ARL10: variants seen among roughly 807,000 people sequenced by gnomAD.
The protein encoded by ARL10 is ADP-ribosylation factor-like protein 10.
In ARL10, 23 loss-of-function variants were observed where a neutral mutation model predicts 26.1. The ratio of observed to expected loss-of-function variants is 0.88; its 90% CI spans 0.63 to 1.25. The LOEUF is 1.25. ARL10 is among the 50% of genes most tolerant of loss of function. The pLI is 0.00. For missense variants in ARL10, 300 were observed against 323.6 expected (o/e 0.93, Z 0.56); for synonymous variants, 138 against 149.1 (o/e 0.93, Z 0.54).
At chr5:176,408,722 T>G in the ARL10 span, among the ~76,000 whole-genome samples, 1 of 152,346 alleles carries the variant, frequency 6.6e-6, no homozygotes, top group East Asian at 1.9e-4. Context: ...GGTCTTACTA[T>G]GTTGCCCAGT....
intron 1 of ARL10, chr5:176,401,666 G>A (rs545290121): frequency 5.3e-5 from 24 of 451,262 alleles, no homozygotes; most frequent in African/African-American, 8.0e-5. Flanking sequence ...TCCTGCAATC[G>A]TCACTCACTC....
the ARL10 span, among the ~76,000 whole-genome samples, chr5:176,412,002 C>T: frequency 1.3e-5 from 2 of 151,890 alleles, no homozygotes; most frequent in Non-Finnish European, 2.9e-5. Context: ...CGGTGAAACC[C>T]CGTCTCTACT....
rs544901415 is a variant in ARL10 at position 176,368,611 on chromosome 5, G to A, written c.386-196G>A. On this transcript the variant is annotated intron_variant, in intron 2 of 3. Transcript: ENST00000310389. The surrounding 1 kb of genome is among the most constrained non-coding windows in gnomAD (Gnocchi z 4.1). The stretch of plus-strand genomic sequence containing the variant: ...CAGTCTGAGTAGCTGCGGAAACTGC[G>A]GTCTTTTCCTTGCCCCCGGCTGGTG... 3.9e-5 allele frequency among the ~76,000 whole-genome samples: 6 copies of A among 151,968 alleles called. No homozygotes were observed. In the South Asian group the frequency reaches 6.2e-4, roughly 16 times the overall value.
rs768781273 is a variant in ARL10 at position 176,371,972 on chromosome 5, T to A, written c.*77T>A. ...TGCTGCTTCATTGCCAGACTGGGCC[T>A]GGGGCAAGAGCCACATGGCAGCATT... On this transcript the variant is annotated 3_prime_UTR_variant, in exon 4 of 4. Coordinates refer to ENST00000310389, the MANE Select transcript of ARL10 (RefSeq NM_173664.6). 1.5e-4 allele frequency: 233 copies of A among 1,536,906 alleles called. No homozygotes were observed. Among genetic ancestry groups the A allele is most frequent in the Non-Finnish European group, 1.8e-4 (210 of 1,140,532 alleles).
chr5:176,397,674 T>C (rs745531281), intron 1 of ARL10: 1 of 1,613,728 alleles, frequency 6.2e-7, no homozygotes, highest in East Asian at 2.2e-5. Context: ...AGGTCCTTCT[T>C]GGCCTTCTCC....
chr5:176,385,333 G>A (rs2113582274), downstream of ARL10: 1 of 1,533,708 alleles, frequency 6.5e-7, no homozygotes. Context: ...CAGGTCTGGA[G>A]TGATGAGAGA....
In ARL10 at chr5:176,373,065, G is replaced by T. The variant is rs1768594273; in HGVS notation, c.*1170G>T. 1 of 398,466 alleles carries T rather than the reference G, an allele frequency of 2.5e-6. No homozygotes were observed. Among genetic ancestry groups the T allele is most frequent in the Non-Finnish European group, 4.4e-6 (1 of 226,064 alleles). The allele number at this position is 398,466 out of a possible 1,614,324, so 24.7% of individuals were successfully genotyped here. A position where few individuals can be genotyped will look rare whatever the true frequency, so the allele number is the denominator to read the frequency against. Reference sequence around the variant, plus strand: ...CACCACTTGGCCCAGGATGTTGAAAGGGTGCAAATTCCTTCTGGGTAGATA... The same window carrying T: ...CACCACTTGGCCCAGGATGTTGAAATGGTGCAAATTCCTTCTGGGTAGATA... On this transcript the variant is annotated 3_prime_UTR_variant, in exon 4 of 4. Coordinates refer to ENST00000310389, the MANE Select transcript of ARL10 (RefSeq NM_173664.6).
intron 1 of ARL10, among the ~76,000 whole-genome samples, chr5:176,399,004 G>A (rs988884425): frequency 1.3e-5 from 2 of 151,924 alleles, no homozygotes; most frequent in South Asian, 2.1e-4. Flanking sequence ...CACGACACCC[G>A]GCTAATTTTT....
downstream of ARL10, among the ~76,000 whole-genome samples, chr5:176,390,516 G>A (rs1211254526): frequency 6.6e-6 from 1 of 152,174 alleles, no homozygotes; most frequent in East Asian, 1.9e-4. Flanking sequence ...TGCAACCTCC[G>A]CCTCCCGGGC....
downstream of ARL10, among the ~76,000 whole-genome samples, chr5:176,391,585 C>T (rs1195797101): frequency 6.6e-6 from 1 of 152,166 alleles, no homozygotes; most frequent in Non-Finnish European, 1.5e-5. Context: ...GCACTCCAGC[C>T]TCAGTGATAA....
downstream of ARL10, chr5:176,389,068 G>T (rs979827253): frequency 2.2e-5 from 33 of 1,488,902 alleles, no homozygotes; most frequent in African/African-American, 2.6e-4. Flanking sequence ...GGAGCGGAAG[G>T]AGAGCGGACT....
intron 1 of ARL10, chr5:176,388,162 G>C (rs1561784544): frequency 8.6e-7 from 1 of 1,164,176 alleles, no homozygotes; most frequent in Admixed American, 1.8e-5. Context: ...GCAGTACCAC[G>C]TTCTGACACC....
At chr5:176,386,854 G>A (rs1755882118), downstream of ARL10, 17 of 1,613,836 alleles carry the variant, frequency 1.1e-5, no homozygotes, top group Non-Finnish European at 1.4e-5. Context: ...CAGCACATAG[G>A]GCTTCCGTAC....
downstream of ARL10, chr5:176,383,988 A>G (rs747633389): frequency 3.8e-5 from 58 of 1,533,792 alleles, no homozygotes; most frequent in Non-Finnish European, 5.0e-5. Flanking sequence ...TATTTACATC[A>G]CCCACCCTGA....
chr5:176,383,975 C>T (rs778173132), downstream of ARL10: 45 of 1,530,272 alleles, frequency 2.9e-5, 1 homozygote, highest in South Asian at 4.9e-4. Flanking sequence ...TATGTACACA[C>T]TATATTTACA....
At chr5:176,406,606 G>A (rs1019054309), downstream of ARL10, 1 of 1,289,404 alleles carries the variant, frequency 7.8e-7, no homozygotes, top group Middle Eastern at 2.1e-4. Flanking sequence ...TTCTGTCCCT[G>A]CCCCTGGCTG....
At chr5:176,389,244 C>G, downstream of ARL10, 2 of 1,470,240 alleles carry the variant, frequency 1.4e-6, no homozygotes, top group Non-Finnish European at 1.9e-6. Context: ...ATCCAGAGAT[C>G]TTGGCTTTGG....
chr5:176,408,536 CA>C, the ARL10 span, among the ~76,000 whole-genome samples: 2 of 143,894 alleles, frequency 1.4e-5, no homozygotes, highest in South Asian at 4.4e-4. Flanking sequence ...AACTCCATCT[CA>C]GGAAAAAAAA....
Position 176,380,470 on chromosome 5 carries a change from G to GTTTTTTTT in ARL10, c.*8589_*8596dup, listed in dbSNP as rs748873564. The stretch of plus-strand genomic sequence containing the variant: ...AACAAGTTCTGGGTCCATAATTTTG[G>GTTTTTTTT]TTTTTTTTTTTTTTTTTTTTTGAGA... On this transcript the variant is annotated 3_prime_UTR_variant, in exon 4 of 4. Transcript: ENST00000310389. 5 of 112,980 alleles carry GTTTTTTTT rather than the reference G, an allele frequency of 4.4e-5. No individual in the cohort carries two copies. Among genetic ancestry groups the GTTTTTTTT allele is most frequent in the Admixed American group, 9.4e-5 (1 of 10,672 alleles). The allele number at this position is 112,980 out of a possible 1,614,324, so 7.0% of individuals were successfully genotyped here. A position where few individuals can be genotyped will look rare whatever the true frequency, so the allele number is the denominator to read the frequency against.
Sources: gnomAD v4.1 joint callset for allele counts (sites outside exome capture counted in the v4.1 genomes callset) on GRCh38, gnomAD v4.1.1 for gene constraint, Gnocchi (gnomAD v3.1) non-coding constraint, MANE v1.5 for transcripts, NCBI Gene and HGNC (gene_info 2026-07-23, HGNC 2026-07-21) for gene names.